The following CCR3 variants were observed in gnomAD, a reference collection of about 807,000 sequenced individuals.
CCR3 encodes the protein C-C chemokine receptor type 3.
For synonymous variants in CCR3, 203 were observed against 179.2 expected, an observed-to-expected ratio of 1.13 and a Z score of -1.06; for missense variants, 419 against 437.5, an observed-to-expected ratio of 0.96 and a Z score of 0.38.
At chr3:46,227,209 CATAG>C (rs1370935818) in intron 2 of CCR3, among the ~76,000 whole-genome samples, 7 of 152,082 alleles carry the variant, frequency 4.6e-5, no homozygotes, top group African/African-American at 9.7e-5. Flanking sequence ...ATCACTCTGT[CATAG>C]ATATTTTATC....
At chr3:46,250,399 G>T (rs1228290032) in intron 1 of CCR3, among the ~76,000 whole-genome samples, 4 of 152,044 alleles carry the variant, frequency 2.6e-5, no homozygotes, top group Non-Finnish European at 5.9e-5. Flanking sequence ...AGCGATGCTT[G>T]GGGTTGGGAC....
intron 1 of CCR3, among the ~76,000 whole-genome samples, chr3:46,257,427 C>CTTTTTTTT (rs34426861): frequency 1.9e-5 from 2 of 103,972 alleles, no homozygotes; most frequent in East Asian, 2.8e-4. Context: ...TTGTCCCAGG[C>CTTTTTTTT]TTTTTTTTTT....
chr3:46,258,303 C>G (rs947969744), intron 1 of CCR3, among the ~76,000 whole-genome samples: 1 of 152,188 alleles, frequency 6.6e-6, no homozygotes, highest in Non-Finnish European at 1.5e-5. Context: ...AATAGTTCTT[C>G]TTAACACGAT....
intron 1 of CCR3, among the ~76,000 whole-genome samples, chr3:46,252,519 C>T (rs1700335880): frequency 6.6e-6 from 1 of 152,046 alleles, no homozygotes; most frequent in Non-Finnish European, 1.5e-5. Context: ...CAGAACATTT[C>T]CACTAATACA....
chr3:46,243,350 T>C (rs1182325215), intron 1 of CCR3, among the ~76,000 whole-genome samples: 9 of 152,116 alleles, frequency 5.9e-5, no homozygotes, highest in African/African-American at 1.7e-4. Flanking sequence ...GTGGAACCCA[T>C]GGATACAGAG....
Position 46,265,146 on chromosome 3 carries a change from A to C in CCR3, c.-11-2A>C. On this transcript the variant is annotated splice_acceptor_variant, in intron 1 of 1. Coordinates refer to ENST00000395940, the MANE Select transcript of CCR3 (RefSeq NM_178329.3). LOFTEE classifies it low-confidence loss of function (5UTR_SPLICE). The stretch of plus-strand genomic sequence containing the variant: ...GATTGTATTTTTCTTCTTCTATCAC[A>C]GGGAGAAGTGAAATGACAACCTCAC... The C allele has an allele frequency of 6.4e-7, 1 of 1,566,846 alleles. No individual in the cohort carries two copies. The highest frequency in any genetic ancestry group is 1.1e-5 in the South Asian group (1 of 88,190).
Position 46,243,867 on chromosome 3 carries a change from T to C in CCR3, c.-12+1329T>C, listed in dbSNP as rs190401201. On this transcript the variant is annotated intron_variant, in intron 1 of 1. Coordinates refer to ENST00000395940, the MANE Select transcript of CCR3 (RefSeq NM_178329.3). Reference sequence around the variant, plus strand: ...GGGAAATATGAATGACTAATACTTGTAGTTAAAAAAAATCAGTAATGAAAT... The same window carrying C: ...GGGAAATATGAATGACTAATACTTGCAGTTAAAAAAAATCAGTAATGAAAT... Among the ~76,000 whole-genome samples the C allele has an allele frequency of 1.8e-4, 28 of 152,284 alleles. No individual in the cohort carries two copies. The East Asian group carries it at 5.0e-3, about 27-fold the overall frequency.
At chr3:46,228,860 C>G (rs549098717) in intron 2 of CCR3, among the ~76,000 whole-genome samples, 1 of 152,194 alleles carries the variant, frequency 6.6e-6, no homozygotes, top group Admixed American at 6.5e-5. Context: ...GATAGTTATT[C>G]TTTTCATCTG....
chr3:46,255,642 T>C (rs1050179306), intron 1 of CCR3, among the ~76,000 whole-genome samples: 1 of 152,212 alleles, frequency 6.6e-6, no homozygotes, highest in South Asian at 2.1e-4. Flanking sequence ...GCACCATTTG[T>C]TGAATAGGGT....
chr3:46,212,101 C>T (rs964994355), intron 2 of CCR3, among the ~76,000 whole-genome samples: 5 of 152,162 alleles, frequency 3.3e-5, no homozygotes, highest in African/African-American at 1.2e-4. Context: ...GTTTCTGGTT[C>T]TCCTTTCGTG....
chr3:46,212,555 C>G (rs1699727953), intron 2 of CCR3, among the ~76,000 whole-genome samples: 1 of 151,638 alleles, frequency 6.6e-6, no homozygotes, highest in South Asian at 2.1e-4. Context: ...TCACTGCATA[C>G]TTCTTCTATC....
upstream of CCR3, among the ~76,000 whole-genome samples, chr3:46,240,705 A>C (rs767688322): frequency 2.4e-4 from 37 of 152,192 alleles, no homozygotes; most frequent in Non-Finnish European, 5.0e-4. Context: ...CGCTGTCCAC[A>C]TGCCACACAC....
intron 1 of CCR3, among the ~76,000 whole-genome samples, chr3:46,256,180 C>G (rs185365519): frequency 1.3e-5 from 2 of 152,220 alleles, no homozygotes; most frequent in Admixed American, 1.3e-4. Flanking sequence ...ACATTTAAAG[C>G]TGATTTGTCT....
At chr3:46,215,722 C>T (rs571755696) in intron 2 of CCR3, among the ~76,000 whole-genome samples, 7 of 152,306 alleles carry the variant, frequency 4.6e-5, no homozygotes, top group African/African-American at 1.4e-4. Flanking sequence ...GATGTTTACC[C>T]TGGGGCTAGA....
intron 1 of CCR3, among the ~76,000 whole-genome samples, chr3:46,250,229 T>C (rs1344005026): frequency 6.6e-6 from 1 of 152,060 alleles, no homozygotes; most frequent in Non-Finnish European, 1.5e-5. Flanking sequence ...GGGCTAGTGA[T>C]GGAACGAAAC....
At chr3:46,230,008 A>G (rs559069423) in intron 2 of CCR3, among the ~76,000 whole-genome samples, 1 of 152,276 alleles carries the variant, frequency 6.6e-6, no homozygotes, top group Non-Finnish European at 1.5e-5. Context: ...CTATTCTGAC[A>G]CAAGACAAGG....
At chr3:46,223,341 AAAAC>A (rs71095085) in intron 2 of CCR3, among the ~76,000 whole-genome samples, 9,378 of 152,262 alleles carry the variant, frequency 0.062, 471 homozygotes, top group South Asian at 0.25. Context: ...CTCTGTCTTG[AAAAC>A]AAACAAACAA....
At chr3:46,221,759 T>C (rs1392912730) in intron 2 of CCR3, among the ~76,000 whole-genome samples, 1 of 152,240 alleles carries the variant, frequency 6.6e-6, no homozygotes, top group African/African-American at 2.4e-5. Flanking sequence ...TTTCCGGTTG[T>C]TGAAATGCAC....
intron 2 of CCR3, among the ~76,000 whole-genome samples, chr3:46,236,602 G>A (rs553064495): frequency 1.3e-5 from 2 of 152,358 alleles, no homozygotes; most frequent in African/African-American, 4.8e-5. Context: ...GAGGCTTCCA[G>A]TTCCTCTAAT....
Sources: allele counts gnomAD v4.1 joint callset (sites outside exome capture counted in the v4.1 genomes callset), GRCh38; gene constraint gnomAD v4.1.1; transcripts MANE v1.5; gene names NCBI Gene and HGNC (gene_info 2026-07-23, HGNC 2026-07-21).